Variants in ERC2 observed in about 807,000 individuals in gnomAD.
ERC2 encodes ERC protein 2.
A neutral mutation model predicts 114.8 loss-of-function variants in ERC2; 42 were observed. That is an observed-to-expected ratio of 0.37 (90% CI 0.29 to 0.47). ERC2 has a LOEUF of 0.47. Among genes scored for constraint, ERC2 ranks in the 20% least tolerant of loss-of-function variants. The pLI is 0.99. For missense variants in ERC2, 939 were observed against 1,150.7 expected (o/e 0.82, Z 2.66); for synonymous variants, 454 against 425.5 (o/e 1.07, Z -0.82).
chr3:56,438,717 T>G lies in ERC2; in HGVS notation c.-140-3570A>C, dbSNP rs138755993. 5.0e-3 allele frequency among the ~76,000 whole-genome samples: 763 copies of G among 152,354 alleles called. 3 individuals carry two copies. Among genetic ancestry groups the G allele is most frequent in the Non-Finnish European group, 8.2e-3 (558 of 68,032 alleles). On this transcript the variant is annotated intron_variant, in intron 1 of 17. Coordinates refer to ENST00000288221, the MANE Select transcript of ERC2 (RefSeq NM_015576.3). Reference sequence around the variant, plus strand: ...GAAATCTAACTTGTCTTCCTCTGTCTGCTCCCTTTGTATCTAGAGATACAC... The same window carrying G: ...GAAATCTAACTTGTCTTCCTCTGTCGGCTCCCTTTGTATCTAGAGATACAC...
chr3:55,781,626 C>T (rs1022779570), intron 14 of ERC2, among the ~76,000 whole-genome samples: 2 of 151,846 alleles, frequency 1.3e-5, no homozygotes, highest in Non-Finnish European at 1.5e-5. Flanking sequence ...AATCCCAGCA[C>T]TTTGGGAGGC....
intron 14 of ERC2, among the ~76,000 whole-genome samples, chr3:55,780,592 T>C (rs956470311): frequency 1.6e-4 from 25 of 152,216 alleles, no homozygotes; most frequent in Non-Finnish European, 2.9e-5. Flanking sequence ...TTTTTTAAAA[T>C]CTCCATCATA....
chr3:56,012,553 A>T (rs2073029275), intron 8 of ERC2, among the ~76,000 whole-genome samples: 1 of 152,186 alleles, frequency 6.6e-6, no homozygotes, highest in South Asian at 2.1e-4. Context: ...TCAATTAGGG[A>T]TCATCTTGGC....
At position 56,261,114 on chromosome 3, in the gene ERC2, A is replaced by G. The variant is rs145499966; in HGVS notation, c.1074+34905T>C. 5.0e-4 allele frequency among the ~76,000 whole-genome samples: 76 copies of G among 152,154 alleles called. 2 individuals are homozygous for G. The highest frequency in any genetic ancestry group is 1.8e-3 in the African/African-American group (76 of 41,518). On this transcript the variant is annotated intron_variant, in intron 3 of 17. Transcript: ENST00000288221. ...GCTCTCTGCTGCCTCCAGCCTTTTT[A>G]AGCTATACCCTCTGTCTTTAGCGGG... is the stretch of plus-strand genomic sequence containing the variant.
intron 17 of ERC2, among the ~76,000 whole-genome samples, chr3:55,672,593 A>G (rs2061608595): frequency 1.3e-5 from 2 of 152,188 alleles, no homozygotes; most frequent in South Asian, 4.1e-4. Flanking sequence ...TCAGGGACAC[A>G]GGGCATTTTC....
rs182311979 is a variant in ERC2, at chr3:56,183,746, T to C, written c.1075-10226A>G. 1.7e-4 allele frequency among the ~76,000 whole-genome samples: 26 copies of C among 152,234 alleles called. 1 individual carries two copies. Among genetic ancestry groups the C allele is most frequent in the Admixed American group, 1.7e-3 (26 of 15,280 alleles). Reference sequence around the variant, plus strand: ...TGCATTCTCAATGAGGGTGACGTCATGCCTAGAGGATTTGGGGAACGGCAA... The same window carrying C: ...TGCATTCTCAATGAGGGTGACGTCACGCCTAGAGGATTTGGGGAACGGCAA... On this transcript the variant is annotated intron_variant, in intron 3 of 17. Transcript: ENST00000288221.
intron 3 of ERC2, among the ~76,000 whole-genome samples, chr3:56,174,151 GA>G (rs1205480967): frequency 6.6e-6 from 1 of 152,124 alleles, no homozygotes; most frequent in East Asian, 1.9e-4. Context: ...TTACAGGGGA[GA>G]AAAAAATTGT....
intron 14 of ERC2, among the ~76,000 whole-genome samples, chr3:55,783,123 C>A (rs566559397): frequency 1.2e-4 from 18 of 152,276 alleles, no homozygotes; most frequent in Non-Finnish European, 1.6e-4. Flanking sequence ...TCACCAAATG[C>A]TCCCTGGAAG....
chr3:55,611,517 C>G (rs1446462815), intron 17 of ERC2, among the ~76,000 whole-genome samples: 2 of 152,158 alleles, frequency 1.3e-5, no homozygotes, highest in Admixed American at 1.3e-4. Context: ...GATTTGGATT[C>G]TAGCAGTTTC....
chr3:56,311,259 A>C (rs199742024), intron 2 of ERC2, among the ~76,000 whole-genome samples: 37,462 of 72,874 alleles, frequency 0.51, 7,416 homozygotes, highest in East Asian at 0.66. Context: ...CTCTCTCTAT[A>C]TATATATATA....
intron 14 of ERC2, among the ~76,000 whole-genome samples, chr3:55,875,959 A>G (rs1483018089): frequency 6.6e-6 from 1 of 152,216 alleles, no homozygotes; most frequent in African/African-American, 2.4e-5. Flanking sequence ...AAGGAAAAGA[A>G]GAAACAGGAC....
intron 17 of ERC2, among the ~76,000 whole-genome samples, chr3:55,669,749 T>C (rs2061487615): frequency 6.6e-6 from 1 of 152,214 alleles, no homozygotes; most frequent in African/African-American, 2.4e-5. Context: ...ATCCAACCCA[T>C]CCCAGCCAGG....
At chr3:56,208,953 G>A (rs757817713) in intron 3 of ERC2, among the ~76,000 whole-genome samples, 9 of 152,078 alleles carry the variant, frequency 5.9e-5, no homozygotes, top group Admixed American at 3.3e-4. Flanking sequence ...TGAGGGGCCT[G>A]GTGACTTAGC....
chr3:56,463,238 C>CA (rs201895351), intron 1 of ERC2, among the ~76,000 whole-genome samples: 7 of 149,762 alleles, frequency 4.7e-5, no homozygotes, highest in Admixed American at 2.0e-4. Context: ...CAAAAGCAAA[C>CA]AAAAAAAAAC....
intron 2 of ERC2, among the ~76,000 whole-genome samples, chr3:56,378,481 T>C (rs1167086101): frequency 7.7e-6 from 1 of 129,550 alleles, no homozygotes; most frequent in African/African-American, 2.9e-5. Flanking sequence ...ACATGACGAG[T>C]TGGTGGGTGC....
intron 1 of ERC2, among the ~76,000 whole-genome samples, chr3:56,447,151 C>G (rs1260705984): frequency 6.6e-6 from 1 of 152,228 alleles, no homozygotes; most frequent in South Asian, 2.1e-4. Context: ...ATAGCATCCG[C>G]TACACCCCCA....
At chr3:56,193,944 G>A (rs958330958) in intron 3 of ERC2, among the ~76,000 whole-genome samples, 1 of 152,184 alleles carries the variant, frequency 6.6e-6, no homozygotes, top group African/African-American at 2.4e-5. Context: ...TGGTGAGTTA[G>A]ACAGGGCTAC....
At chr3:55,844,310 A>G (rs1304029285) in intron 14 of ERC2, among the ~76,000 whole-genome samples, 1 of 152,236 alleles carries the variant, frequency 6.6e-6, no homozygotes, top group African/African-American at 2.4e-5. Context: ...ACATACATGA[A>G]AAACAGAATG....
chr3:55,887,872 T>C (rs560474207), intron 14 of ERC2, among the ~76,000 whole-genome samples: 1 of 152,370 alleles, frequency 6.6e-6, no homozygotes, highest in African/African-American at 2.4e-5. Context: ...CTAACCTATT[T>C]TTATAAGCCC....
Sources: allele counts gnomAD v4.1 joint callset (sites outside exome capture counted in the v4.1 genomes callset), GRCh38; gene constraint gnomAD v4.1.1; transcripts MANE v1.5; gene names NCBI Gene and HGNC (gene_info 2026-07-23, HGNC 2026-07-21).